The following CNTNAP5 variants were observed in gnomAD, a reference collection of about 807,000 sequenced individuals.
The protein encoded by CNTNAP5 is contactin associated protein family member 5, also known as contactin-associated protein-like 5.
Under a neutral mutation model 150.2 loss-of-function variants are expected in CNTNAP5, and 72 were observed. The ratio of observed to expected loss-of-function variants is 0.48; its 90% CI spans 0.40 to 0.58. CNTNAP5 has a LOEUF of 0.58. Ranked by LOEUF, CNTNAP5 falls within the 20% of genes least tolerant of loss-of-function variation. CNTNAP5 has a pLI of 0.00. For synonymous variants in CNTNAP5, 672 were observed against 619.8 expected, an observed-to-expected ratio of 1.08 and a Z score of -1.25; for missense variants, 1,636 against 1,626.2, an observed-to-expected ratio of 1.01 and a Z score of -0.10.
chr2:124,591,092 A>G (rs531854414), intron 11 of CNTNAP5, among the ~76,000 whole-genome samples: 18 of 152,344 alleles, frequency 1.2e-4, no homozygotes, highest in Non-Finnish European at 2.2e-4. Context: ...TAATATGTCT[A>G]TCGTTGTCCT....
At chr2:124,773,949 A>T (rs12475730) in intron 17 of CNTNAP5, among the ~76,000 whole-genome samples, 111 of 132,356 alleles carry the variant, frequency 8.4e-4, no homozygotes, top group African/African-American at 3.4e-3. Context: ...TGTGTGTGTG[A>T]GAGAGAGAGA....
At chr2:124,891,461 G>A (rs1471847642) in intron 21 of CNTNAP5, among the ~76,000 whole-genome samples, 1 of 152,108 alleles carries the variant, frequency 6.6e-6, no homozygotes, top group Non-Finnish European at 1.5e-5. Context: ...TGAAGGGCGT[G>A]ATGACGATGA....
At chr2:124,843,707 A>T (rs922546574) in intron 19 of CNTNAP5, among the ~76,000 whole-genome samples, 2 of 151,860 alleles carry the variant, frequency 1.3e-5, no homozygotes, top group Admixed American at 6.6e-5. Context: ...CTATTGCAGG[A>T]GTGAGGTGAT....
At chr2:124,694,748 A>G (rs1169406419) in intron 13 of CNTNAP5, among the ~76,000 whole-genome samples, 3 of 152,192 alleles carry the variant, frequency 2.0e-5, no homozygotes, top group Non-Finnish European at 1.5e-5. Flanking sequence ...TGGGCATTTT[A>G]TTCTCACAGA....
At chr2:124,397,397 G>C (rs769191462) in intron 3 of CNTNAP5, among the ~76,000 whole-genome samples, 9 of 152,134 alleles carry the variant, frequency 5.9e-5, no homozygotes, top group African/African-American at 1.9e-4. Context: ...CTCATATTAG[G>C]GAAAGCCAAG....
At chr2:124,095,466 C>T (rs368127207) in intron 1 of CNTNAP5, among the ~76,000 whole-genome samples, 1 of 152,124 alleles carries the variant, frequency 6.6e-6, no homozygotes, top group African/African-American at 2.4e-5. Flanking sequence ...ACCTATGTAA[C>T]AAAGCTGCAC....
At chr2:124,664,538 T>G (rs1230676131) in intron 13 of CNTNAP5, among the ~76,000 whole-genome samples, 1 of 152,176 alleles carries the variant, frequency 6.6e-6, no homozygotes, top group African/African-American at 2.4e-5. Context: ...AGCACTTCTC[T>G]CAAGTGTTAC....
At position 124,608,947 on chromosome 2, in the gene CNTNAP5, A is replaced by G. The variant is rs560345708; in HGVS notation, c.1757-854A>G. Among the ~76,000 whole-genome samples the G allele has an allele frequency of 4.5e-3, 663 of 148,960 alleles. 5 individuals are homozygous for G. Among genetic ancestry groups the G allele is most frequent in the Non-Finnish European group, 6.0e-3 (400 of 67,050 alleles). ...CAACAGAGCAGACTCTACCTCAAGA[A>G]AAAAAAAAAAAGAAAAAGTCTTTAA... On this transcript the variant is annotated intron_variant, in intron 11 of 23. Transcript: ENST00000682447.
At chr2:124,354,019 A>G (rs1689936482) in intron 3 of CNTNAP5, among the ~76,000 whole-genome samples, 1 of 152,184 alleles carries the variant, frequency 6.6e-6, no homozygotes, top group Non-Finnish European at 1.5e-5. Context: ...AATGAACCAT[A>G]AAAACTTAAC....
chr2:124,485,779 C>T (rs75760031), intron 7 of CNTNAP5, among the ~76,000 whole-genome samples: 3,959 of 152,122 alleles, frequency 0.026, 63 homozygotes, highest in Non-Finnish European at 0.04. Context: ...CTGGGACTCC[C>T]ACTGAAGAAC....
chr2:124,082,624 A>G (rs911315569), intron 1 of CNTNAP5, among the ~76,000 whole-genome samples: 1 of 152,214 alleles, frequency 6.6e-6, no homozygotes, highest in Non-Finnish European at 1.5e-5. Context: ...TTGTGTACAA[A>G]GCTTTGTATA....
chr2:124,749,192 C>T (rs1680668840), intron 14 of CNTNAP5, among the ~76,000 whole-genome samples: 1 of 152,118 alleles, frequency 6.6e-6, no homozygotes, highest in Non-Finnish European at 1.5e-5. Context: ...CTCCCAATCG[C>T]TTGGATTCAC....
intron 13 of CNTNAP5, among the ~76,000 whole-genome samples, chr2:124,664,898 G>A (rs757367705): frequency 3.9e-5 from 6 of 152,184 alleles, no homozygotes; most frequent in African/African-American, 1.4e-4. Flanking sequence ...TGTTGGCCAG[G>A]CTGGTCTCGA....
At chr2:124,176,458 C>T (rs533299402) in intron 1 of CNTNAP5, among the ~76,000 whole-genome samples, 8 of 152,300 alleles carry the variant, frequency 5.3e-5, no homozygotes, top group Admixed American at 4.6e-4. Context: ...GGGAAAATTT[C>T]CCCATTGCCT....
intron 21 of CNTNAP5, among the ~76,000 whole-genome samples, chr2:124,895,733 T>G (rs1012761005): frequency 1.3e-5 from 2 of 151,536 alleles, no homozygotes; most frequent in Non-Finnish European, 2.9e-5. Flanking sequence ...ACCACACACA[T>G]GGACACACAT....
At chr2:124,690,824 T>C (rs1679285821) in intron 13 of CNTNAP5, among the ~76,000 whole-genome samples, 1 of 152,132 alleles carries the variant, frequency 6.6e-6, no homozygotes, top group Admixed American at 6.6e-5. Context: ...CTCCTGAATA[T>C]ATTCCCATGG....
intron 3 of CNTNAP5, among the ~76,000 whole-genome samples, chr2:124,349,516 T>TAC (rs1689821357): frequency 6.6e-6 from 1 of 152,186 alleles, no homozygotes; most frequent in African/African-American, 2.4e-5. Context: ...TCATGTTTGT[T>TAC]AGTTTTCCAG....
At chr2:124,484,735 G>T (rs780968214) in intron 7 of CNTNAP5, among the ~76,000 whole-genome samples, 13 of 152,124 alleles carry the variant, frequency 8.5e-5, no homozygotes, top group Non-Finnish European at 1.6e-4. Context: ...ATAGATCAGT[G>T]ATTATTAGTA....
chr2:124,905,809 A>C (rs994783021), intron 22 of CNTNAP5, among the ~76,000 whole-genome samples: 1 of 152,092 alleles, frequency 6.6e-6, no homozygotes, highest in African/African-American at 2.4e-5. Context: ...AGCCAGTTAG[A>C]ATTGGATAGT....
Sources: gnomAD v4.1 joint callset for allele counts (sites outside exome capture counted in the v4.1 genomes callset) on GRCh38, gnomAD v4.1.1 for gene constraint, MANE v1.5 for transcripts, NCBI Gene and HGNC (gene_info 2026-07-23, HGNC 2026-07-21) for gene names.